Variants in PCDHGA8 observed in about 807,000 individuals in gnomAD.
PCDHGA8 encodes protocadherin gamma-A8.
Under a neutral mutation model 59.2 loss-of-function variants are expected in PCDHGA8, and 45 were observed. The ratio of observed to expected loss-of-function variants is 0.76; its 90% CI spans 0.60 to 0.98. The LOEUF is 0.98. PCDHGA8 is among the 50% of genes least tolerant of loss of function. The pLI is 0.00. For missense variants in PCDHGA8, 1,257 were observed against 1,196.2 expected (o/e 1.05, Z -0.75); for synonymous variants, 531 against 519.0 (o/e 1.02, Z -0.32).
chr5:141,417,732 C>T (rs2096153715), intron 1 of PCDHGA8: 4 of 1,390,342 alleles, frequency 2.9e-6, no homozygotes, highest in Admixed American at 2.8e-5. Context: ...AGACCTTGCC[C>T]AGCACACCAG....
rs561451935 is a variant in PCDHGA8 at position 141,423,179 on chromosome 5, G to A, written c.2424+27942G>A. 21 of 1,613,516 alleles carry A rather than the reference G, an allele frequency of 1.3e-5. No individual in the cohort carries two copies. The South Asian group carries it at 2.1e-4, about 16-fold the overall frequency. ...CTCGTGGTGGCCGTCCAGGACCACG[G>A]CCAGCCCCCTCTCTCGGCCACCGTC... On this transcript the variant is annotated intron_variant, in intron 1 of 3. Transcript: ENST00000398604.
At chr5:141,418,755 G>A (rs1489556538) in intron 1 of PCDHGA8, 8 of 1,613,898 alleles carry the variant, frequency 5.0e-6, no homozygotes, top group South Asian at 1.1e-5. Context: ...TACACTACAG[G>A]AAACATTCTA....
intron 1 of PCDHGA8, chr5:141,414,883 G>T: frequency 6.2e-7 from 1 of 1,614,176 alleles, no homozygotes; most frequent in Non-Finnish European, 8.5e-7. Context: ...CCTGTACCCC[G>T]CCCTCCCCAC....
At position 141,431,192 on chromosome 5, in the gene PCDHGA8, A is replaced by T. The variant is rs769745353; in HGVS notation, c.2424+35955A>T. 8.7e-6 allele frequency: 14 copies of T among 1,614,042 alleles called. No homozygotes were observed. Among genetic ancestry groups the T allele is most frequent in the African/African-American group, 2.7e-5 (2 of 74,912 alleles). On this transcript the variant is annotated intron_variant, in intron 1 of 3. Coordinates refer to ENST00000398604, the MANE Select transcript of PCDHGA8 (RefSeq NM_032088.2). This position sits in a 1 kb window ranked among gnomAD's most constrained non-coding sequence, Gnocchi z 4.8. ...TGAATTAGAAATAAAAATTAGTGAA[A>T]ATGCAGCCACTGAGATGCGGTTCCC...
chr5:141,398,092 T>C (rs748472174), intron 1 of PCDHGA8: 19 of 1,598,994 alleles, frequency 1.2e-5, no homozygotes, highest in Non-Finnish European at 1.6e-5. Flanking sequence ...ACCTGGCGTC[T>C]CCAGGCTGGT....
intron 1 of PCDHGA8, among the ~76,000 whole-genome samples, chr5:141,444,714 CTTGGTGCCT>C (rs2098445168): frequency 6.6e-6 from 1 of 152,122 alleles, no homozygotes; most frequent in Non-Finnish European, 1.5e-5. Context: ...GTTGAATTTG[CTTGGTGCCT>C]TTGTTGAAAG....
In PCDHGA8 at chr5:141,512,845, A is replaced by G. The variant is rs1166488780; in HGVS notation, c.*1672A>G. On this transcript the variant is annotated 3_prime_UTR_variant, in exon 4 of 4. Coordinates refer to ENST00000398604, the MANE Select transcript of PCDHGA8 (RefSeq NM_032088.2). ...CTCCCCCGTACTGACTTCTCCTATA[A>G]GCGCTTCTCTTCGCATAGTCACGTA... The G allele has an allele frequency of 6.6e-6, 1 of 152,156 alleles. No individual in the cohort carries two copies. Among genetic ancestry groups the G allele is most frequent in the African/African-American group, 2.4e-5 (1 of 41,380 alleles). 9.4% of individuals were successfully genotyped at this position (152,156 alleles called of 1,614,324 possible).
chr5:141,400,591 C>T lies in PCDHGA8; in HGVS notation c.2424+5354C>T, dbSNP rs746471054. ...ATTTTCTGTATTTACATGAAACTATCGTACATTTTCAAGTCCAATGAGTTG... is the reference window on the plus strand; with the variant it reads ...ATTTTCTGTATTTACATGAAACTATTGTACATTTTCAAGTCCAATGAGTTG... On this transcript the variant is annotated intron_variant, in intron 1 of 3. Transcript: ENST00000398604. 2.5e-6 allele frequency: 4 copies of T among 1,602,858 alleles called. No homozygotes were observed. In the African/African-American group the frequency reaches 5.4e-5, roughly 21 times the overall value.
Position 141,393,519 on chromosome 5 carries a change from A to G in PCDHGA8, c.706A>G (p.Asn236Asp). Residue 236 changes from asparagine (N) to aspartate (D), a missense_variant, in exon 1 of 4, where the codon AAT becomes GAT. By Grantham distance (23) the Asn-to-Asp change is conservative. Coordinates refer to ENST00000398604, the MANE Select transcript of PCDHGA8 (RefSeq NM_032088.2). ...CATCCACGTGACAGTGTTGGATACA[A>G]ATGACAATGCCCCGGTTTTTCCTCA... ...VRIHVTVLDTNDNAPVFPHPI... is the reference protein window; with the variant it reads ...VRIHVTVLDTDDNAPVFPHPI... 6.2e-7 allele frequency: 1 copy of G among 1,614,036 alleles called. No homozygotes were observed. The highest frequency in any genetic ancestry group is 1.3e-5 in the African/African-American group (1 of 75,076).
intron 1 of PCDHGA8, among the ~76,000 whole-genome samples, chr5:141,460,889 G>A (rs901987902): frequency 3.3e-5 from 5 of 150,280 alleles, no homozygotes; most frequent in East Asian, 3.9e-4. Flanking sequence ...ATGCCTTTTC[G>A]TGGCTGAGTA....
At chr5:141,415,288 T>C in intron 1 of PCDHGA8, 6 of 1,614,202 alleles carry the variant, frequency 3.7e-6, no homozygotes, top group Non-Finnish European at 5.1e-6. Flanking sequence ...GGCCGCGGTC[T>C]CCTGCGTCTT....
At chr5:141,475,959 A>T (rs963363028) in intron 1 of PCDHGA8, 15 of 817,720 alleles carry the variant, frequency 1.8e-5, no homozygotes, top group East Asian at 2.6e-5. Context: ...GCGCCCCGGG[A>T]TGAGGCAGAG....
Position 141,424,000 on chromosome 5 carries a change from A to G in PCDHGA8, c.2424+28763A>G, listed in dbSNP as rs2096794510. On this transcript the variant is annotated intron_variant, in intron 1 of 3. Coordinates refer to ENST00000398604, the MANE Select transcript of PCDHGA8 (RefSeq NM_032088.2). ...ATGAGGCTCTCAATTTATTATATAT[A>G]GATACAAATTAATGATTCACAAACA... 5 of 1,076,368 alleles carry G rather than the reference A, an allele frequency of 4.6e-6. No homozygotes were observed. In the South Asian group the frequency reaches 1.4e-4, roughly 30 times the overall value. 66.7% of individuals were successfully genotyped at this position (1,076,368 alleles called of 1,614,324 possible).
intron 1 of PCDHGA8, chr5:141,408,220 G>T: frequency 6.4e-7 from 1 of 1,558,994 alleles, no homozygotes; most frequent in Admixed American, 1.9e-5. Flanking sequence ...GGAGCTGCGC[G>T]CAGAGGCGCC....
At chr5:141,418,740 TG>T in intron 1 of PCDHGA8, 1 of 1,613,972 alleles carries the variant, frequency 6.2e-7, no homozygotes, top group Non-Finnish European at 8.5e-7. Context: ...GTGTTCTCTC[TG>T]GATTACACTA....
Position 141,431,991 on chromosome 5 carries a change from A to G in PCDHGA8, c.2424+36754A>G. 1.2e-6 allele frequency: 2 copies of G among 1,614,218 alleles called. No individual in the cohort carries two copies. The highest frequency in any genetic ancestry group is 1.7e-6 in the Non-Finnish European group (2 of 1,180,042). On this transcript the variant is annotated intron_variant, in intron 1 of 3. Transcript: ENST00000398604. The surrounding 1 kb of genome is among the most constrained non-coding windows in gnomAD (Gnocchi z 4.8). The stretch of plus-strand genomic sequence containing the variant: ...AGTTTAGTCACAGACATAGTCTTGG[A>G]TAGGGAACAGGTTCCTAGCTACAAC...
At chr5:141,424,894 T>C (rs868851823) in intron 1 of PCDHGA8, among the ~76,000 whole-genome samples, 44 of 152,320 alleles carry the variant, frequency 2.9e-4, no homozygotes, top group African/African-American at 9.9e-4. Flanking sequence ...TCTAGGGTTT[T>C]TGATCACAGG....
At chr5:141,461,170 G>T (rs1347666737) in intron 1 of PCDHGA8, among the ~76,000 whole-genome samples, 1 of 152,052 alleles carries the variant, frequency 6.6e-6, no homozygotes. Context: ...GGGATTGCTG[G>T]ATTGAATGGT....
At chr5:141,448,667 G>A (rs1262994760) in intron 1 of PCDHGA8, among the ~76,000 whole-genome samples, 6 of 151,990 alleles carry the variant, frequency 3.9e-5, no homozygotes, top group African/African-American at 9.7e-5. Flanking sequence ...TTGGCCGGGC[G>A]CGGTGGCTCA....
Sources: gnomAD v4.1 joint callset for allele counts (sites outside exome capture counted in the v4.1 genomes callset) on GRCh38, gnomAD v4.1.1 for gene constraint, Gnocchi (gnomAD v3.1) non-coding constraint, MANE v1.5 for transcripts, NCBI Gene and HGNC (gene_info 2026-07-23, HGNC 2026-07-21) for gene names.